IFT172: variants seen among roughly 807,000 people sequenced by gnomAD.
The protein encoded by IFT172 is intraflagellar transport protein 172 homolog.
IFT172 carries 164 observed loss-of-function variants against 248.9 expected under a neutral mutation model. That is an observed-to-expected ratio of 0.66 (90% CI 0.58 to 0.75). The LOEUF is 0.75. Among genes scored for constraint, IFT172 ranks in the 30% least tolerant of loss-of-function variants. The pLI is 0.00. For synonymous variants in IFT172, 729 were observed against 791.6 expected (o/e 0.92, Z 1.33); for missense variants, 1,950 against 2,192.4 (o/e 0.89, Z 2.21).
At chr2:27,455,085 T>TC (rs1179600749) in intron 30 of IFT172, 8 of 276,626 alleles carry the variant, frequency 2.9e-5, no homozygotes, top group Middle Eastern at 1.3e-3. Flanking sequence ...AGCATCGGAC[T>TC]CCATGATTGG....
chr2:27,446,498 G>C (rs184340017), intron 42 of IFT172, 143 bp from the exon 43 acceptor site: 10 of 587,882 alleles, frequency 1.7e-5, no homozygotes, highest in Non-Finnish European at 2.9e-5. Context: ...CTGGGTCTTA[G>C]TTTTTTTTTT....
intron 14 of IFT172, among the ~76,000 whole-genome samples, chr2:27,475,295 C>T (rs532098598): frequency 1.3e-5 from 2 of 152,192 alleles, no homozygotes; most frequent in African/African-American, 4.8e-5. Context: ...GTTGAAGACA[C>T]AGCTCCTCTA....
At chr2:27,483,226 A>G in intron 7 of IFT172, 63 bp downstream of exon 7, 2 of 932,966 alleles carry the variant, frequency 2.1e-6, no homozygotes, top group South Asian at 2.6e-5. Flanking sequence ...TGTGTTGCCC[A>G]TGCTGGTCTC....
intron 18 of IFT172, among the ~76,000 whole-genome samples, chr2:27,463,643 C>T (rs1004764802): frequency 5.3e-5 from 8 of 151,580 alleles, no homozygotes; most frequent in African/African-American, 1.9e-4. Context: ...AGATTGGATA[C>T]CCCTGTTATA....
Position 27,447,867 on chromosome 2 carries a change from T to G in IFT172, c.4484A>C (p.Asn1495Thr). The G allele has an allele frequency of 1.2e-6, 2 of 1,614,002 alleles. No homozygotes were observed. Among genetic ancestry groups the G allele is most frequent in the Non-Finnish European group, 8.5e-7 (1 of 1,179,908 alleles). ...CCAGCTATGATAGGCCTCGGCACAGTTGGTTCCAGGAGAGCTCACCATGTC... is the reference window on the plus strand; with the variant it reads ...CCAGCTATGATAGGCCTCGGCACAGGTGGTTCCAGGAGAGCTCACCATGTC... ...FTDMVSSPGT[N>T]CAEAYHSWAD... Residue 1495 changes from asparagine to threonine, a missense_variant, in exon 41 of 48, where the codon AAC (asparagine) becomes ACC (threonine). By Grantham distance (65) the Asn-to-Thr change is moderately conservative. Transcript: ENST00000260570.
chr2:27,489,458 T>G (rs2148567077), intron 1 of IFT172, among the ~76,000 whole-genome samples, 157 bp downstream of exon 1: 1 of 152,318 alleles, frequency 6.6e-6, no homozygotes, highest in South Asian at 2.1e-4. Flanking sequence ...GCATCTCGCC[T>G]CCTGGACGCT....
chr2:27,462,909 A>C (rs564214706), intron 19 of IFT172, 116 bp from the exon 20 acceptor site: 1 of 1,195,660 alleles, frequency 8.4e-7, no homozygotes, highest in East Asian at 2.3e-5. Flanking sequence ...AAGGTAAAAC[A>C]CTTCATGGAG....
At chr2:27,456,674 AT>A in intron 29 of IFT172, 21 bp from the exon 30 acceptor site, 3 of 1,610,634 alleles carry the variant, frequency 1.9e-6, no homozygotes, top group Non-Finnish European at 2.5e-6. Flanking sequence ...AAGTCACTCA[AT>A]AATCCTGCAA....
chr2:27,463,021 T>C, intron 19 of IFT172, 76 bp downstream of exon 19: 2 of 1,521,256 alleles, frequency 1.3e-6, no homozygotes, highest in Non-Finnish European at 9.1e-7. Context: ...GCTGGAAAGC[T>C]AGGAATCATG....
chr2:27,463,357 T>C (rs1666830760), intron 18 of IFT172, among the ~76,000 whole-genome samples, 176 bp from the exon 19 acceptor site: 1 of 152,150 alleles, frequency 6.6e-6, no homozygotes, highest in African/African-American at 2.4e-5. Context: ...ACTTCCATTC[T>C]GGTGGAGACA....
At chr2:27,486,567 A>G (rs1054306878) in intron 1 of IFT172, among the ~76,000 whole-genome samples, 2 of 152,236 alleles carry the variant, frequency 1.3e-5, no homozygotes, top group Non-Finnish European at 1.5e-5. Flanking sequence ...CTCCAAACTC[A>G]CCTATCTCCA....
Position 27,446,297 on chromosome 2 carries a change from A to G in IFT172, c.4718T>C (p.Val1573Ala). ...GCCTGCTTCATAGAAGGCTTTGTCT[A>G]CAGGTAGTAGCTGGGTGTGACGCAA... The part of the protein sequence containing the change: ...SLLRHTQLLP[V>A]DKAFYEAGIA... The change falls in exon 43 of 48, where the codon GTA becomes GCA. Residue 1573 changes from valine (V) to alanine (A), a missense_variant. Coordinates refer to ENST00000260570, the MANE Select transcript of IFT172 (RefSeq NM_015662.3). 2 of 1,614,224 alleles carry G rather than the reference A, an allele frequency of 1.2e-6. No individual in the cohort carries two copies. The highest frequency in any genetic ancestry group is 2.2e-5 in the East Asian group (1 of 44,884).
chr2:27,447,623 C>T lies in IFT172; in HGVS notation c.4551G>A (p.Leu1517=). The change falls in exon 42 of 48, where the codon CTG becomes CTA. Residue 1517 remains leucine, a synonymous_variant. Transcript: ENST00000260570. The part of the protein sequence containing the change: ...RDVLFNLCEN[L]VKSSEANSPA... ...GAGAGTTTGCCTCACTGGACTTCAC[C>T]AGGTTTTCACACTAGAGGAGGGAGA... The T allele has an allele frequency of 1.2e-6, 2 of 1,614,144 alleles. No individual in the cohort carries two copies. Among genetic ancestry groups the T allele is most frequent in the South Asian group, 2.2e-5 (2 of 91,084 alleles).
At position 27,444,951 on chromosome 2, in the gene IFT172, GT is replaced by G. The variant is rs111756175; in HGVS notation, c.5160+62del. On this transcript the variant is annotated intron_variant, in intron 47 of 47. Transcript: ENST00000260570. ...GGTATGAGCCACTGCACCCAGACTT[GT>G]TTTTTTTTCTTTTTTTAGTGCTGCC... is the stretch of plus-strand genomic sequence containing the variant. 1,908 of 1,513,282 alleles carry G rather than the reference GT, an allele frequency of 1.3e-3. 14 individuals carry two copies. In the Middle Eastern group the frequency reaches 0.029, roughly 23 times the overall value. The allele number at this position is 1,513,282 out of a possible 1,614,324, so 93.7% of individuals were successfully genotyped here.
chr2:27,473,886 T>C (rs908300192), intron 14 of IFT172, among the ~76,000 whole-genome samples: 2 of 151,274 alleles, frequency 1.3e-5, no homozygotes, highest in Admixed American at 1.3e-4. Flanking sequence ...CGGCTCACTG[T>C]AACCTCCACC....
rs201231401 is a variant in IFT172, at chr2:27,471,101, G to C, written c.1525-6C>G. The C allele has an allele frequency of 7.7e-4, 1,241 of 1,603,566 alleles. 1 individual carries two copies. Among genetic ancestry groups the C allele is most frequent in the Non-Finnish European group, 9.6e-4 (1,135 of 1,177,576 alleles). ...TCAATATCATACAGATGCAACTGAA[G>C]AAAGAAAAGGCAGGTAACACAATTA... On this transcript the variant is annotated splice_region_variant and splice_polypyrimidine_tract_variant and intron_variant, in intron 15 of 47. Transcript: ENST00000260570.
At position 27,470,947 on chromosome 2, in the gene IFT172, ACT is replaced by A. The variant is rs587777083; in HGVS notation, c.1671_1672del (p.Arg557SerfsTer7). On this transcript the variant is annotated frameshift_variant, in exon 16 of 48. Transcript: ENST00000260570. LOFTEE classifies it high-confidence loss of function. ...ACATACCCTAATAGTGAACATGGTG[ACT>A]CTCTCAGGTGCCTCAATGTTGTACC... is the stretch of plus-strand genomic sequence containing the variant. 6.2e-7 allele frequency: 1 copy of A among 1,606,152 alleles called. No individual in the cohort carries two copies. Among genetic ancestry groups the A allele is most frequent in the Non-Finnish European group, 8.5e-7 (1 of 1,177,620 alleles).
intron 16 of IFT172, 41 bp downstream of exon 16, chr2:27,470,887 A>C: frequency 6.7e-7 from 1 of 1,497,208 alleles, no homozygotes; most frequent in African/African-American, 1.4e-5. Flanking sequence ...CTAATTAATC[A>C]GCTCAATACC....
Position 27,479,613 on chromosome 2 carries a change from G to C in IFT172, c.910-9C>G, listed in dbSNP as rs760855384. 6.4e-7 allele frequency: 1 copy of C among 1,552,150 alleles called. No individual in the cohort carries two copies. Reference sequence around the variant, plus strand: ...CCACCACATAGTGTGCCCTAGAAGGGAAAGTGACAGCATAAAAGGTCACAC... The same window carrying C: ...CCACCACATAGTGTGCCCTAGAAGGCAAAGTGACAGCATAAAAGGTCACAC... On this transcript the variant is annotated splice_polypyrimidine_tract_variant and intron_variant, in intron 9 of 47. Transcript: ENST00000260570.
Sources: allele counts gnomAD v4.1 joint callset (sites outside exome capture counted in the v4.1 genomes callset), GRCh38; gene constraint gnomAD v4.1.1; transcripts MANE v1.5; gene names NCBI Gene and HGNC (gene_info 2026-07-23, HGNC 2026-07-21).